The following FRS2 variants were observed in gnomAD, a reference collection of about 807,000 sequenced individuals.
FRS2 encodes the protein fibroblast growth factor receptor substrate 2, also known as FGFR signalling adaptor.
A neutral mutation model predicts 43.9 loss-of-function variants in FRS2; 8 were observed. The observed-to-expected ratio is 0.18, with a 90% CI of 0.11 to 0.33. The LOEUF (loss-of-function observed/expected upper bound fraction) is 0.33, where lower values mean the gene tolerates loss of function less well. FRS2 is among the 10% of genes least tolerant of loss of function. FRS2 has a pLI of 1.00. For synonymous variants in FRS2, 219 were observed against 220.3 expected, an observed-to-expected ratio of 0.99 and a Z score of 0.05; for missense variants, 534 against 627.6, an observed-to-expected ratio of 0.85 and a Z score of 1.59.
chr12:69,522,171 A>C, intron 1 of FRS2, among the ~76,000 whole-genome samples: 1 of 148,328 alleles, frequency 6.7e-6, no homozygotes, highest in South Asian at 2.2e-4. Flanking sequence ...TTTATCAAGG[A>C]TATTGGCTGA....
At chr12:69,537,539 A>G (rs1424234904) in intron 3 of FRS2, among the ~76,000 whole-genome samples, 1 of 152,164 alleles carries the variant, frequency 6.6e-6, no homozygotes, top group African/African-American at 2.4e-5. Flanking sequence ...TTGCTGTTGA[A>G]AAGTCTTAAT....
At chr12:69,541,478 T>C (rs1031911407) in intron 3 of FRS2, among the ~76,000 whole-genome samples, 2 of 152,062 alleles carry the variant, frequency 1.3e-5, no homozygotes, top group Admixed American at 6.6e-5. Flanking sequence ...ATAAAGAATA[T>C]AGCATTAATA....
intron 3 of FRS2, among the ~76,000 whole-genome samples, chr12:69,535,403 GTGATGTATTTAAGA>G (rs2135679393): frequency 6.6e-6 from 1 of 152,074 alleles, no homozygotes; most frequent in Non-Finnish European, 1.5e-5. Context: ...GGGCGTAAAT[GTGATGTATTTAAGA>G]TGTGAAGTAG....
chr12:69,474,735 A>T (rs1870614737), intron 1 of FRS2, among the ~76,000 whole-genome samples: 1 of 152,162 alleles, frequency 6.6e-6, no homozygotes, highest in African/African-American at 2.4e-5. Flanking sequence ...TTTCTTTTGG[A>T]CATTTGTTTG....
At chr12:69,479,260 A>G (rs894716455) in intron 1 of FRS2, among the ~76,000 whole-genome samples, 1 of 152,014 alleles carries the variant, frequency 6.6e-6, no homozygotes, top group Non-Finnish European at 1.5e-5. Flanking sequence ...GTTTTCCTGA[A>G]TATATATTCT....
At chr12:69,508,381 C>T (rs547697493) in intron 1 of FRS2, among the ~76,000 whole-genome samples, 1 of 152,290 alleles carries the variant, frequency 6.6e-6, no homozygotes, top group South Asian at 2.1e-4. Context: ...AGAATTGCTA[C>T]ATTCCCAAAG....
At chr12:69,568,593 C>T (rs370475200) in intron 4 of FRS2, among the ~76,000 whole-genome samples, 1 of 151,872 alleles carries the variant, frequency 6.6e-6, no homozygotes, top group Non-Finnish European at 1.5e-5. Context: ...CTCTCTGTCC[C>T]TCTCTGTCTC....
At chr12:69,547,830 C>CT (rs71094722) in intron 3 of FRS2, among the ~76,000 whole-genome samples, 25,790 of 100,708 alleles carry the variant, frequency 0.26, 6,624 homozygotes, top group Non-Finnish European at 0.36. Context: ...TCCATTAATA[C>CT]TTTTTTTTTT....
rs1372414251 is a variant in FRS2, at chr12:69,574,757, T to G, written c.1329T>G (p.Gly443=). 6.2e-7 allele frequency: 1 copy of G among 1,614,144 alleles called. No homozygotes were observed. Among genetic ancestry groups the G allele is most frequent in the South Asian group, 1.1e-5 (1 of 91,086 alleles). ...ATTACATACAGGTTGACTTGGAAGG[T>G]GGCAGTGACTCTGACAACCCTCAGA... ...QLNYIQVDLE[G]GSDSDNPQTP... The change falls in exon 9 of 9, where the codon GGT becomes GGG. Residue 443 remains glycine (G), a synonymous_variant. Transcript: ENST00000549921.
intron 1 of FRS2, among the ~76,000 whole-genome samples, chr12:69,477,907 A>AT (rs1174210822): frequency 1.3e-5 from 2 of 150,060 alleles, no homozygotes; most frequent in Non-Finnish European, 3.0e-5. Flanking sequence ...CGCCCGGCTA[A>AT]TTTTTTGTAT....
chr12:69,572,282 G>GT lies in FRS2; in HGVS notation c.576+2dup. 6.2e-7 allele frequency: 1 copy of GT among 1,611,036 alleles called. No individual in the cohort carries two copies. The highest frequency in any genetic ancestry group is 8.5e-7 in the Non-Finnish European group (1 of 1,177,434). On this transcript the variant is annotated splice_donor_variant, in intron 8 of 8. Coordinates refer to ENST00000549921, the MANE Select transcript of FRS2 (RefSeq NM_001278356.2). LOFTEE classifies it high-confidence loss of function. ...TCCTTTGCTTGTGGCTGAGGAACAA[G>GT]TAAGCATGTGCTACTGTGTAACAGC...
intron 1 of FRS2, among the ~76,000 whole-genome samples, chr12:69,493,774 A>G (rs1469105056): frequency 6.6e-6 from 1 of 152,208 alleles, no homozygotes; most frequent in Non-Finnish European, 1.5e-5. Context: ...TAAAATGGCA[A>G]ATGATAGCAC....
intron 6 of FRS2, 29 bp downstream of exon 6, chr12:69,570,546 T>C (rs1167889061): frequency 1.4e-6 from 2 of 1,394,552 alleles, no homozygotes; most frequent in Non-Finnish European, 2.0e-6. Flanking sequence ...TTCCCAAATA[T>C]TGTATTTGAA....
At chr12:69,491,011 CTT>C (rs1171452220) in intron 1 of FRS2, among the ~76,000 whole-genome samples, 1 of 152,182 alleles carries the variant, frequency 6.6e-6, no homozygotes, top group East Asian at 1.9e-4. Flanking sequence ...AAAAGCAAGT[CTT>C]TTTTCCTACC....
intron 3 of FRS2, among the ~76,000 whole-genome samples, chr12:69,535,014 C>T (rs1001020659): frequency 2.0e-5 from 3 of 151,954 alleles, no homozygotes; most frequent in Non-Finnish European, 4.4e-5. Flanking sequence ...ATGATGTGTT[C>T]CTTGTAATTG....
At chr12:69,500,048 A>G (rs1344920840) in intron 1 of FRS2, among the ~76,000 whole-genome samples, 1 of 152,158 alleles carries the variant, frequency 6.6e-6, no homozygotes, top group African/African-American at 2.4e-5. Context: ...CCTTAAATAC[A>G]TTTATTTAAA....
chr12:69,481,677 G>A (rs1592912753), intron 1 of FRS2, among the ~76,000 whole-genome samples: 1 of 152,076 alleles, frequency 6.6e-6, no homozygotes, highest in Non-Finnish European at 1.5e-5. Context: ...CCTTTAATTT[G>A]GGGAGAGTTC....
intron 1 of FRS2, among the ~76,000 whole-genome samples, chr12:69,494,654 G>A (rs1001370979): frequency 2.0e-5 from 3 of 152,172 alleles, no homozygotes; most frequent in Non-Finnish European, 2.9e-5. Context: ...AAGGAGGCAC[G>A]TAGGACTTAA....
At chr12:69,546,907 G>C (rs1392845100) in intron 3 of FRS2, among the ~76,000 whole-genome samples, 1 of 152,220 alleles carries the variant, frequency 6.6e-6, no homozygotes, top group Admixed American at 6.5e-5. Context: ...GCAGGGTCTT[G>C]AGGTATTTGT....
Sources: allele counts gnomAD v4.1 joint callset (sites outside exome capture counted in the v4.1 genomes callset), GRCh38; gene constraint gnomAD v4.1.1; transcripts MANE v1.5; gene names NCBI Gene and HGNC (gene_info 2026-07-23, HGNC 2026-07-21).